The following RALGPS2 variants were observed in gnomAD, a reference collection of about 807,000 sequenced individuals.
RALGPS2 encodes the protein Ral GEF with PH domain and SH3 binding motif 2.
Under a neutral mutation model 86.8 loss-of-function variants are expected in RALGPS2, and 43 were observed. The observed-to-expected ratio is 0.50, with a 90% CI of 0.39 to 0.64. The LOEUF (loss-of-function observed/expected upper bound fraction) is 0.64. Among genes scored for constraint, RALGPS2 ranks in the 30% least tolerant of loss-of-function variants. The pLI is 0.00. For synonymous variants in RALGPS2, 243 were observed against 231.3 expected (o/e 1.05, Z -0.46); for missense variants, 536 against 694.6 (o/e 0.77, Z 2.57).
intron 1 of RALGPS2, among the ~76,000 whole-genome samples, chr1:178,758,818 C>G (rs1652086414): frequency 6.6e-6 from 1 of 152,076 alleles, no homozygotes; most frequent in Non-Finnish European, 1.5e-5. Flanking sequence ...TGGACACTTA[C>G]AGTGATGTTG....
rs1229559342 is a variant in RALGPS2, at chr1:178,752,934, TA to T, written c.-83-23746del. ...TGAATGGAATTTGTAAGATACAATT[TA>T]ATAGTTCATTAATATGGACTCTGCC... On this transcript the variant is annotated intron_variant, in intron 1 of 19. Transcript: ENST00000367635. Among the ~76,000 whole-genome samples, 3 of 152,244 alleles carry T rather than the reference TA, an allele frequency of 2.0e-5. No homozygotes were observed. In the East Asian group the frequency reaches 5.8e-4, roughly 29 times the overall value.
chr1:178,868,664 A>G (rs1658564227), intron 8 of RALGPS2, among the ~76,000 whole-genome samples: 1 of 151,998 alleles, frequency 6.6e-6, no homozygotes, highest in Admixed American at 6.6e-5. Flanking sequence ...TGCTAATCTA[A>G]ATTAAAACAA....
chr1:178,787,334 T>A (rs1357711171), intron 4 of RALGPS2, among the ~76,000 whole-genome samples: 1 of 152,178 alleles, frequency 6.6e-6, no homozygotes, highest in African/African-American at 2.4e-5. Flanking sequence ...ATAACTTTGT[T>A]TTCTGGTAGC....
chr1:178,831,569 T>C (rs1282467562), intron 7 of RALGPS2, among the ~76,000 whole-genome samples: 1 of 152,062 alleles, frequency 6.6e-6, no homozygotes, highest in Non-Finnish European at 1.5e-5. Flanking sequence ...CCATTTGTCA[T>C]GCTCTTGGTG....
At chr1:178,806,340 T>C (rs1394865899) in intron 4 of RALGPS2, among the ~76,000 whole-genome samples, 1 of 152,216 alleles carries the variant, frequency 6.6e-6, no homozygotes, top group Non-Finnish European at 1.5e-5. Flanking sequence ...TTCAGTTGTT[T>C]TTTAACTTCC....
At chr1:178,830,440 G>A (rs1393898417) in intron 7 of RALGPS2, among the ~76,000 whole-genome samples, 3 of 152,126 alleles carry the variant, frequency 2.0e-5, no homozygotes, top group Non-Finnish European at 4.4e-5. Flanking sequence ...ACAGGATTCT[G>A]ATACGTGTAT....
chr1:178,841,180 T>G (rs1215877826), intron 8 of RALGPS2, among the ~76,000 whole-genome samples: 1 of 151,764 alleles, frequency 6.6e-6, no homozygotes, highest in Non-Finnish European at 1.5e-5. Context: ...TACCAAAGCC[T>G]GGCAGAGACA....
chr1:178,739,042 C>CTAT (rs1285920193), intron 1 of RALGPS2, among the ~76,000 whole-genome samples: 2 of 152,122 alleles, frequency 1.3e-5, no homozygotes, highest in African/African-American at 4.8e-5. Flanking sequence ...GTGCTGAAAT[C>CTAT]TTTATAGATA....
At chr1:178,758,007 C>A (rs1652039909) in intron 1 of RALGPS2, among the ~76,000 whole-genome samples, 2 of 151,940 alleles carry the variant, frequency 1.3e-5, no homozygotes, top group Non-Finnish European at 2.9e-5. Flanking sequence ...CTTTCTAATT[C>A]AATCTTGGGG....
At chr1:178,899,786 G>A (rs1261741492) in intron 17 of RALGPS2, among the ~76,000 whole-genome samples, 1 of 151,722 alleles carries the variant, frequency 6.6e-6, no homozygotes, top group African/African-American at 2.4e-5. Context: ...GTAAGGGCAG[G>A]GGGACAGGAG....
intron 8 of RALGPS2, among the ~76,000 whole-genome samples, chr1:178,835,182 C>G (rs962458345): frequency 2.0e-5 from 3 of 152,154 alleles, no homozygotes; most frequent in African/African-American, 7.2e-5. Flanking sequence ...CTTCACAATT[C>G]AGAAGAATGT....
chr1:178,823,293 T>A (rs1470726190), intron 7 of RALGPS2, among the ~76,000 whole-genome samples: 2 of 152,256 alleles, frequency 1.3e-5, no homozygotes, highest in Non-Finnish European at 2.9e-5. Flanking sequence ...TGATGGTTTG[T>A]ATTTTAAAAT....
chr1:178,811,233 C>A, intron 5 of RALGPS2, 82 bp from the exon 6 acceptor site: 2 of 1,092,548 alleles, frequency 1.8e-6, no homozygotes, highest in South Asian at 1.6e-5. Flanking sequence ...TTACCTAATT[C>A]TGCCAAAATT....
At chr1:178,801,434 A>G (rs922169840) in intron 4 of RALGPS2, among the ~76,000 whole-genome samples, 3 of 152,170 alleles carry the variant, frequency 2.0e-5, no homozygotes, top group Non-Finnish European at 2.9e-5. Flanking sequence ...GGCTTTATAC[A>G]TATCAACCCA....
chr1:178,910,240 G>C (rs1660570658), intron 19 of RALGPS2, among the ~76,000 whole-genome samples: 1 of 152,042 alleles, frequency 6.6e-6, no homozygotes, highest in African/African-American at 2.4e-5. Flanking sequence ...CTATTTGAAT[G>C]CCTTTTATTT....
At chr1:178,788,829 T>C (rs138613955) in intron 4 of RALGPS2, among the ~76,000 whole-genome samples, 60 of 141,496 alleles carry the variant, frequency 4.2e-4, no homozygotes, top group South Asian at 1.1e-3. Context: ...TTTTCTTTTG[T>C]TTTCTTTCTT....
chr1:178,859,261 C>G (rs1657794040), intron 8 of RALGPS2, among the ~76,000 whole-genome samples: 1 of 151,828 alleles, frequency 6.6e-6, no homozygotes, highest in Admixed American at 6.6e-5. Flanking sequence ...TATAAGTATT[C>G]CATTGAAACC....
chr1:178,846,135 A>G (rs1013985520), intron 8 of RALGPS2, among the ~76,000 whole-genome samples: 8 of 152,222 alleles, frequency 5.3e-5, no homozygotes, highest in East Asian at 1.9e-4. Flanking sequence ...GATAATTTCA[A>G]CAAAGTCCAA....
intron 8 of RALGPS2, among the ~76,000 whole-genome samples, chr1:178,848,638 A>C (rs536509720): frequency 6.6e-6 from 1 of 152,176 alleles, no homozygotes; most frequent in Admixed American, 6.5e-5. Flanking sequence ...ATGTAATTTC[A>C]TACCCGAAAA....
Sources: gnomAD v4.1 joint callset for allele counts (sites outside exome capture counted in the v4.1 genomes callset) on GRCh38, gnomAD v4.1.1 for gene constraint, MANE v1.5 for transcripts, NCBI Gene and HGNC (gene_info 2026-07-23, HGNC 2026-07-21) for gene names.